ETS1: variants seen among roughly 807,000 people sequenced by gnomAD.
ETS1 encodes the protein ETS proto-oncogene 1, transcription factor.
A neutral mutation model predicts 58.6 loss-of-function variants in ETS1; 15 were observed. The ratio of observed to expected loss-of-function variants is 0.26; its 90% CI spans 0.17 to 0.39. The LOEUF (loss-of-function observed/expected upper bound fraction) is 0.39. Among genes scored for constraint, ETS1 ranks in the 10% least tolerant of loss-of-function variants. The probability of loss-of-function intolerance (pLI) is 1.00; values close to 1 mark genes in which losing one functional copy is unlikely to be tolerated. For missense variants in ETS1, 417 were observed against 610.5 expected, an observed-to-expected ratio of 0.68 and a Z score of 3.34; for synonymous variants, 214 against 218.2, an observed-to-expected ratio of 0.98 and a Z score of 0.17.
intron 1 of ETS1, among the ~76,000 whole-genome samples, chr11:128,577,446 C>T (rs1205885940): frequency 6.6e-6 from 1 of 152,202 alleles, no homozygotes; most frequent in Non-Finnish European, 1.5e-5. Context: ...AAAGTCCACT[C>T]TGTTAGAATT....
chr11:128,490,885 GTTTTT>G (rs572835763), intron 3 of ETS1, among the ~76,000 whole-genome samples: 2 of 151,544 alleles, frequency 1.3e-5, no homozygotes, highest in Non-Finnish European at 2.9e-5. Context: ...TGCCCAGCTA[GTTTTT>G]TTTATTTTTA....
At chr11:128,495,741 G>A (rs982276169) in intron 3 of ETS1, among the ~76,000 whole-genome samples, 4 of 152,312 alleles carry the variant, frequency 2.6e-5, no homozygotes, top group Middle Eastern at 3.4e-3. Context: ...AGAGAGGGGC[G>A]TGCATTGTTG....
intron 1 of ETS1, among the ~76,000 whole-genome samples, chr11:128,585,193 G>GGAAA (rs764608182): frequency 0.086 from 1,339 of 15,660 alleles, 238 homozygotes; most frequent in East Asian, 0.16. Flanking sequence ...AAAGAAGGAA[G>GGAAA]GAAAGAAAGA....
intron 3 of ETS1, among the ~76,000 whole-genome samples, chr11:128,504,710 C>A (rs761870311): frequency 4.6e-5 from 7 of 152,136 alleles, no homozygotes; most frequent in Non-Finnish European, 8.8e-5. Flanking sequence ...TTTTCCTCTA[C>A]ATCATTGCTG....
chr11:128,543,071 T>C (rs1180636406), intron 3 of ETS1, among the ~76,000 whole-genome samples: 1 of 151,688 alleles, frequency 6.6e-6, no homozygotes, highest in Non-Finnish European at 1.5e-5. Flanking sequence ...GCTACTCGGG[T>C]AATCCCAGCT....
At chr11:128,499,161 A>G (rs1015975518) in intron 3 of ETS1, among the ~76,000 whole-genome samples, 1 of 152,232 alleles carries the variant, frequency 6.6e-6, no homozygotes, top group African/African-American at 2.4e-5. Context: ...GACATAGGAT[A>G]ACCCCATCCA....
At chr11:128,554,440 C>T (rs1864282241) in intron 3 of ETS1, among the ~76,000 whole-genome samples, 1 of 152,004 alleles carries the variant, frequency 6.6e-6, no homozygotes, top group African/African-American at 2.4e-5. Flanking sequence ...ATGATATTAC[C>T]CTGCTATAAG....
chr11:128,496,681 AAGAC>A (rs2135473070), intron 3 of ETS1, among the ~76,000 whole-genome samples: 1 of 152,320 alleles, frequency 6.6e-6, no homozygotes, highest in Admixed American at 6.5e-5. Flanking sequence ...ATCTCAAAGA[AAGAC>A]AGTCTCTATT....
At chr11:128,520,518 CAG>C (rs1166315394) in intron 3 of ETS1, among the ~76,000 whole-genome samples, 1 of 152,218 alleles carries the variant, frequency 6.6e-6, no homozygotes, top group East Asian at 1.9e-4. Context: ...AACTGACAAA[CAG>C]AACTCATTCT....
At chr11:128,586,124 G>A (rs762606795) in intron 1 of ETS1, among the ~76,000 whole-genome samples, 2 of 152,192 alleles carry the variant, frequency 1.3e-5, no homozygotes, top group Non-Finnish European at 2.9e-5. Flanking sequence ...CCTCAGCAGC[G>A]GAACCAGGAC....
intron 3 of ETS1, among the ~76,000 whole-genome samples, chr11:128,501,995 G>C (rs78360094): frequency 0.013 from 1,989 of 152,304 alleles, 52 homozygotes; most frequent in African/African-American, 0.045. Context: ...GACAGAGAAA[G>C]GGGGTGGGGT....
intron 3 of ETS1, among the ~76,000 whole-genome samples, chr11:128,491,565 T>C (rs1422295484): frequency 1.3e-5 from 2 of 152,178 alleles, no homozygotes; most frequent in African/African-American, 4.8e-5. Flanking sequence ...CAAAGTGTAG[T>C]CCTCAGAGCA....
intron 3 of ETS1, among the ~76,000 whole-genome samples, chr11:128,504,811 C>G (rs954330308): frequency 6.6e-6 from 1 of 152,196 alleles, no homozygotes; most frequent in Non-Finnish European, 1.5e-5. Context: ...ATAAACACTA[C>G]TCCTCCCCAA....
intron 8 of ETS1, among the ~76,000 whole-genome samples, chr11:128,468,679 G>T (rs2135418303): frequency 1.3e-5 from 2 of 152,232 alleles, no homozygotes; most frequent in South Asian, 4.2e-4. Context: ...TTCCCAGGCA[G>T]TCTCCTCATA....
chr11:128,522,540 G>T (rs529479227), intron 3 of ETS1: 2 of 206,072 alleles, frequency 9.7e-6, no homozygotes, highest in African/African-American at 4.7e-5. Flanking sequence ...TGGCGAGCGC[G>T]GGGCCGGGCC....
chr11:128,492,759 G>A (rs1024526802), intron 3 of ETS1, among the ~76,000 whole-genome samples: 3 of 152,118 alleles, frequency 2.0e-5, no homozygotes, highest in African/African-American at 2.4e-5. Context: ...CTAAGCGGCA[G>A]GTCCAGAAAT....
At chr11:128,535,741 T>A (rs1167075214) in intron 3 of ETS1, among the ~76,000 whole-genome samples, 1 of 152,224 alleles carries the variant, frequency 6.6e-6, no homozygotes. Context: ...GCCAGCTCTT[T>A]CCTTGCTATT....
At chr11:128,585,202 GAAAGAA>G (rs1330596335) in intron 1 of ETS1, among the ~76,000 whole-genome samples, 3 of 81,422 alleles carry the variant, frequency 3.7e-5, no homozygotes, top group Non-Finnish European at 2.4e-5. Flanking sequence ...AGGAAAGAAA[GAAAGAA>G]AGAAAGAAAG....
intron 3 of ETS1, among the ~76,000 whole-genome samples, chr11:128,552,002 AAACCC>A (rs1864236751): frequency 2.0e-5 from 3 of 152,148 alleles, no homozygotes; most frequent in Non-Finnish European, 4.4e-5. Flanking sequence ...GTGTCTTAAC[AAACCC>A]TAAAGTGATT....
Sources: allele counts gnomAD v4.1 joint callset (sites outside exome capture counted in the v4.1 genomes callset), GRCh38; gene constraint gnomAD v4.1.1; transcripts MANE v1.5; gene names NCBI Gene and HGNC (gene_info 2026-07-23, HGNC 2026-07-21).